EYS: variants seen among roughly 807,000 people sequenced by gnomAD.
EYS encodes the protein protein eyes shut homolog.
EYS carries 250 observed loss-of-function variants against 282.1 expected under a neutral mutation model. The observed-to-expected ratio is 0.89, with a 90% CI of 0.80 to 0.98. The LOEUF (loss-of-function observed/expected upper bound fraction) is 0.98, where lower values mean the gene tolerates loss of function less well. Ranked by LOEUF, EYS falls within the 50% of genes least tolerant of loss-of-function variation. The pLI is 0.00. For synonymous variants in EYS, 1,355 were observed against 1,282.9 expected (o/e 1.06, Z -1.20); for missense variants, 4,016 against 3,709.0 (o/e 1.08, Z -2.15).
chr6:64,615,749 T>C (rs1182286512), intron 24 of EYS, among the ~76,000 whole-genome samples: 1 of 152,122 alleles, frequency 6.6e-6, no homozygotes, highest in Non-Finnish European at 1.5e-5. Flanking sequence ...TCTCTTGCTA[T>C]GACAAGTTTT....
intron 22 of EYS, among the ~76,000 whole-genome samples, chr6:64,744,766 A>C (rs940066952): frequency 6.6e-6 from 1 of 152,144 alleles, no homozygotes; most frequent in East Asian, 1.9e-4. Context: ...TCTCAGGTAC[A>C]TTTATTTTAA....
intron 2 of EYS, among the ~76,000 whole-genome samples, chr6:65,594,757 G>A (rs1341591407): frequency 6.6e-6 from 1 of 152,076 alleles, no homozygotes; most frequent in African/African-American, 2.4e-5. Flanking sequence ...GTCCTGAATG[G>A]TATTGCCTAG....
At chr6:64,112,035 A>T (rs1471306355) in intron 31 of EYS, among the ~76,000 whole-genome samples, 1 of 151,954 alleles carries the variant, frequency 6.6e-6, no homozygotes, top group Admixed American at 6.6e-5. Flanking sequence ...GCTGGTTAAA[A>T]TTTTTTGGCT....
intron 40 of EYS, among the ~76,000 whole-genome samples, chr6:63,771,795 G>A (rs1262161916): frequency 6.6e-6 from 1 of 151,582 alleles, no homozygotes; most frequent in Non-Finnish European, 1.5e-5. Flanking sequence ...AACAAAAAAT[G>A]TGAGCTTATT....
intron 2 of EYS, among the ~76,000 whole-genome samples, chr6:65,515,207 C>T (rs966846586): frequency 5.3e-4 from 81 of 151,594 alleles, no homozygotes; most frequent in African/African-American, 1.9e-3. Flanking sequence ...CCATCACTGG[C>T]CATCAGAGAA....
intron 8 of EYS, among the ~76,000 whole-genome samples, chr6:65,383,088 T>G (rs1765677468): frequency 6.6e-6 from 1 of 152,064 alleles, no homozygotes; most frequent in Non-Finnish European, 1.5e-5. Context: ...TGAAGTCCTT[T>G]GACGTTTCAT....
chr6:65,602,198 G>A (rs1765637998), intron 2 of EYS, among the ~76,000 whole-genome samples: 1 of 151,736 alleles, frequency 6.6e-6, no homozygotes, highest in South Asian at 2.1e-4. Flanking sequence ...ATTAAGTAGT[G>A]AGTCACTGAT....
At chr6:65,167,478 T>C (rs914621387) in intron 12 of EYS, among the ~76,000 whole-genome samples, 9 of 151,286 alleles carry the variant, frequency 5.9e-5, no homozygotes, top group Admixed American at 2.6e-4. Context: ...GTGAATTATG[T>C]CTAAAAATAC....
At chr6:64,047,642 C>T (rs1770673437) in intron 33 of EYS, among the ~76,000 whole-genome samples, 1 of 152,166 alleles carries the variant, frequency 6.6e-6, no homozygotes, top group Non-Finnish European at 1.5e-5. Flanking sequence ...GTGTTTGTCA[C>T]ATAATAAGCA....
intron 12 of EYS, among the ~76,000 whole-genome samples, chr6:65,114,361 AAAAAGC>A (rs1221548997): frequency 5.1e-5 from 7 of 136,440 alleles, no homozygotes; most frequent in African/African-American, 1.9e-4. Context: ...TTGAAAAAAA[AAAAAGC>A]AGCAGCAGCA....
At chr6:64,942,805 A>G (rs1381651269) in intron 15 of EYS, among the ~76,000 whole-genome samples, 2 of 142,096 alleles carry the variant, frequency 1.4e-5, no homozygotes, top group African/African-American at 5.7e-5. Flanking sequence ...AAAAGCTGGT[A>G]CCCATTCTAC....
chr6:64,916,481 G>A (rs73767175), intron 15 of EYS, among the ~76,000 whole-genome samples: 1,625 of 152,322 alleles, frequency 0.011, 26 homozygotes, highest in African/African-American at 0.037. Flanking sequence ...GTCACTACTA[G>A]TGACTAACAA....
At chr6:63,893,755 G>T (rs951427491) in intron 35 of EYS, among the ~76,000 whole-genome samples, 5 of 152,014 alleles carry the variant, frequency 3.3e-5, no homozygotes, top group African/African-American at 1.2e-4. Context: ...TGAAAAAGGG[G>T]AGTCATCAGT....
intron 21 of EYS, among the ~76,000 whole-genome samples, chr6:64,817,401 T>C (rs1764768633): frequency 6.6e-6 from 1 of 152,166 alleles, no homozygotes; most frequent in Non-Finnish European, 1.5e-5. Flanking sequence ...ATGATATACA[T>C]GGCAGACAAA....
At chr6:65,702,257 A>G (rs573895750) in intron 1 of EYS, among the ~76,000 whole-genome samples, 1 of 152,336 alleles carries the variant, frequency 6.6e-6, no homozygotes, top group Admixed American at 6.5e-5. Context: ...TTAATTTTAC[A>G]TTAATTTTCA....
At chr6:65,084,386 T>A (rs150707480) in intron 12 of EYS, among the ~76,000 whole-genome samples, 197 of 152,274 alleles carry the variant, frequency 1.3e-3, no homozygotes, top group African/African-American at 4.5e-3. Flanking sequence ...ATCCATGTAA[T>A]CTTTAGATTG....
intron 28 of EYS, among the ~76,000 whole-genome samples, chr6:64,408,980 T>C (rs1773804859): frequency 6.6e-6 from 1 of 152,154 alleles, no homozygotes; most frequent in Non-Finnish European, 1.5e-5. Context: ...GCCCTGTGCT[T>C]ATTGTTCTTT....
chr6:65,089,283 G>A (rs1024731397), intron 12 of EYS, among the ~76,000 whole-genome samples: 1 of 152,110 alleles, frequency 6.6e-6, no homozygotes, highest in Admixed American at 6.5e-5. Flanking sequence ...CTCAACATCA[G>A]CCTATGAAAG....
At chr6:64,241,657 T>TTGTGTGTG (rs367952253) in intron 30 of EYS, among the ~76,000 whole-genome samples, 81 of 149,256 alleles carry the variant, frequency 5.4e-4, no homozygotes, top group African/African-American at 1.7e-3. Context: ...TTGAAGGTTT[T>TTGTGTGTG]TGTGTGTGTG....
Sources: allele counts gnomAD v4.1 joint callset (sites outside exome capture counted in the v4.1 genomes callset), GRCh38; gene constraint gnomAD v4.1.1; transcripts MANE v1.5; gene names NCBI Gene and HGNC (gene_info 2026-07-23, HGNC 2026-07-21).